The following KIF13A variants were observed in gnomAD, a reference collection of about 807,000 sequenced individuals.
KIF13A encodes the protein kinesin-like protein KIF13A.
KIF13A carries 79 observed loss-of-function variants against 212.2 expected under a neutral mutation model. The ratio of observed to expected loss-of-function variants is 0.37; its 90% CI spans 0.31 to 0.45. The LOEUF is 0.45. Ranked by LOEUF, KIF13A falls within the 20% of genes least tolerant of loss-of-function variation. The pLI is 1.00. For synonymous variants in KIF13A, 789 were observed against 808.6 expected, an observed-to-expected ratio of 0.98 and a Z score of 0.41; for missense variants, 1,901 against 2,209.0, an observed-to-expected ratio of 0.86 and a Z score of 2.79.
At chr6:17,847,931 C>A (rs1462336404) in intron 9 of KIF13A, among the ~76,000 whole-genome samples, 1 of 152,136 alleles carries the variant, frequency 6.6e-6, no homozygotes, top group Non-Finnish European at 1.5e-5. Flanking sequence ...TCTGCCTCAG[C>A]CTCCCGAGTA....
intron 2 of KIF13A, among the ~76,000 whole-genome samples, chr6:17,985,632 C>CGGGG (rs1554128614): frequency 2.6e-4 from 10 of 38,162 alleles, no homozygotes; most frequent in African/African-American, 8.7e-4. Context: ...ATGCAGTTTG[C>CGGGG]GGGGGGGTGG....
intron 18 of KIF13A, among the ~76,000 whole-genome samples, chr6:17,808,254 T>C (rs1282813465): frequency 6.6e-6 from 1 of 152,086 alleles, no homozygotes; most frequent in Non-Finnish European, 1.5e-5. Context: ...GGTGTGCTAG[T>C]GCGCGCCTGT....
chr6:17,861,974 T>C (rs947089798), intron 4 of KIF13A, among the ~76,000 whole-genome samples: 9 of 152,200 alleles, frequency 5.9e-5, no homozygotes, highest in African/African-American at 2.2e-4. Context: ...CCAAATTATA[T>C]AGAACTCACC....
chr6:17,804,486 C>G lies in KIF13A; in HGVS notation c.2329G>C (p.Gly777Arg), dbSNP rs1222620222. The G allele has an allele frequency of 6.3e-7, 1 of 1,598,938 alleles. No individual in the cohort carries two copies. Among genetic ancestry groups the G allele is most frequent in the African/African-American group, 1.3e-5 (1 of 74,712 alleles). ...PEAKRLYGKR[G>R]DPFYEAQENH... ...TCTTGGGCTTCATAGAAAGGGTCAC[C>G]TCGTTTTCCGTAGAGTCTCTTTGCC... Residue 777 changes from glycine (G) to arginine (R), a missense_variant, in exon 20 of 39, where the codon GGT becomes CGT. Gly to Arg is a moderately radical substitution (Grantham distance 125). This residue lies in a region of KIF13A where 534 missense variants were observed against 536.9 expected (regional missense o/e 0.99). Coordinates refer to ENST00000259711, the MANE Select transcript of KIF13A (RefSeq NM_022113.6).
At chr6:17,906,423 CTTCCCT>C (rs1181840327) in intron 2 of KIF13A, among the ~76,000 whole-genome samples, 4 of 146,234 alleles carry the variant, frequency 2.7e-5, no homozygotes, top group East Asian at 4.1e-4. Context: ...CCCCTTCCCC[CTTCCCT>C]TTCCCTTTTT....
In KIF13A at chr6:17,825,951, C is replaced by T. The variant is rs758950927; in HGVS notation, c.1620-17G>A. The T allele has an allele frequency of 6.2e-7, 1 of 1,612,868 alleles. No individual in the cohort carries two copies. Among genetic ancestry groups the T allele is most frequent in the Non-Finnish European group, 8.5e-7 (1 of 1,179,476 alleles). On this transcript the variant is annotated splice_polypyrimidine_tract_variant and intron_variant, in intron 15 of 38. Transcript: ENST00000259711. This position sits in a 1 kb window ranked among gnomAD's most constrained non-coding sequence, Gnocchi z 4.5. ...AAGTTTATTCTGTGGGGTTTTTCAC[C>T]ATTAGAGAAAATCAACTTGTTTTAC...
At chr6:17,866,099 GGT>G (rs1381073112) in intron 4 of KIF13A, among the ~76,000 whole-genome samples, 2 of 152,092 alleles carry the variant, frequency 1.3e-5, no homozygotes, top group African/African-American at 4.8e-5. Flanking sequence ...CATACAGGAG[GGT>G]GTTTCCCATA....
At chr6:17,907,176 A>C (rs1238653638) in intron 2 of KIF13A, among the ~76,000 whole-genome samples, 1 of 152,034 alleles carries the variant, frequency 6.6e-6, no homozygotes, top group Non-Finnish European at 1.5e-5. Context: ...ATACATAAAA[A>C]CTCTCATTAT....
At position 17,816,810 on chromosome 6, in the gene KIF13A, G is replaced by A. The variant is rs73722833; in HGVS notation, c.2000+210C>T. On this transcript the variant is annotated intron_variant, in intron 17 of 38. Coordinates refer to ENST00000259711, the MANE Select transcript of KIF13A (RefSeq NM_022113.6). This position sits in a 1 kb window ranked among gnomAD's most constrained non-coding sequence, Gnocchi z 4.3. ...TTTATTGAAGGGTAAATGGTTTGGG[G>A]GTAGGAGGGGTCTTTAACAGCTAAC... Among the ~76,000 whole-genome samples the A allele has an allele frequency of 1.7e-4, 26 of 152,254 alleles. No homozygotes were observed. The highest frequency in any genetic ancestry group is 6.0e-4 in the African/African-American group (25 of 41,550).
At position 17,897,605 on chromosome 6, in the gene KIF13A, C is replaced by T. The variant is rs1431266178; in HGVS notation, c.159+563G>A. Among the ~76,000 whole-genome samples, 2 of 152,146 alleles carry T rather than the reference C, an allele frequency of 1.3e-5. No individual in the cohort carries two copies. Among genetic ancestry groups the T allele is most frequent in the Non-Finnish European group, 2.9e-5 (2 of 68,030 alleles). ...GGTGGGGAAAAAACTAACTAGTGGCCATTGTGATGGGCTAGGAACTCCAAT... is the reference window on the plus strand; with the variant it reads ...GGTGGGGAAAAAACTAACTAGTGGCTATTGTGATGGGCTAGGAACTCCAAT... On this transcript the variant is annotated intron_variant, in intron 3 of 38. Coordinates refer to ENST00000259711, the MANE Select transcript of KIF13A (RefSeq NM_022113.6). This position sits in a 1 kb window ranked among gnomAD's most constrained non-coding sequence, Gnocchi z 4.8.
intron 12 of KIF13A, among the ~76,000 whole-genome samples, chr6:17,833,098 T>C (rs1014481187): frequency 1.3e-5 from 2 of 151,630 alleles, no homozygotes; most frequent in African/African-American, 4.9e-5. Flanking sequence ...AATGACATTT[T>C]CTGTAACCAT....
At chr6:17,922,162 C>T (rs1161989782) in intron 2 of KIF13A, among the ~76,000 whole-genome samples, 4 of 152,162 alleles carry the variant, frequency 2.6e-5, no homozygotes, top group Non-Finnish European at 4.4e-5. Flanking sequence ...ACTCCAGACC[C>T]AGGAGACTCA....
chr6:17,808,887 G>C lies in KIF13A; in HGVS notation c.2044C>G (p.Leu682Val). ...RQSLAKLREQLVKANTLVREA... is the reference protein window; with the variant it reads ...RQSLAKLREQVVKANTLVREA... ...CTCACCAAGGTATTAGCTTTAACCA[G>C]CTGCTCTCGCAGTTTTGCCAGGCTT... Residue 682 changes from leucine (L) to valine (V), a missense_variant, in exon 18 of 39, where the codon CTG becomes GTG. Leu to Val is a conservative substitution (Grantham distance 32). Around this residue, in one of 5 missense-constraint regions of KIF13A, gnomAD observed 534 missense variants for 536.9 expected, o/e 0.99. Transcript: ENST00000259711. 6.2e-7 allele frequency: 1 copy of C among 1,613,248 alleles called. No homozygotes were observed. The highest frequency in any genetic ancestry group is 8.5e-7 in the Non-Finnish European group (1 of 1,179,586).
Position 17,796,776 on chromosome 6 carries a change from T to C in KIF13A, c.2835A>G (p.Ser945=). Residue 945 remains serine, a synonymous_variant, in exon 23 of 39, where the codon TCA becomes TCG. Transcript: ENST00000259711. ...ATACTTCAATGGCCAGTGCTCCATC[T>C]GAAATGAACTCCAGAAATTCTTCTG... ...NVTEEFLEFI[S]DGALAIEVWG... The C allele has an allele frequency of 6.3e-7, 1 of 1,578,876 alleles. No individual in the cohort carries two copies. The highest frequency in any genetic ancestry group is 1.2e-5 in the South Asian group (1 of 86,750).
intron 2 of KIF13A, among the ~76,000 whole-genome samples, chr6:17,975,373 G>A (rs146254309): frequency 5.5e-4 from 83 of 152,166 alleles, no homozygotes; most frequent in African/African-American, 1.9e-3. Context: ...CCCTCACAAT[G>A]AATATTACAA....
intron 2 of KIF13A, among the ~76,000 whole-genome samples, chr6:17,940,137 C>A (rs945935710): frequency 2.7e-5 from 4 of 149,914 alleles, no homozygotes; most frequent in Admixed American, 2.7e-4. Flanking sequence ...TATGGAAGTT[C>A]CTTCCTTCCT....
chr6:17,764,699 G>T lies in KIF13A; in HGVS notation c.4829C>A (p.Ser1610Tyr). 2.5e-6 allele frequency: 4 copies of T among 1,613,678 alleles called. No individual in the cohort carries two copies. The highest frequency in any genetic ancestry group is 3.4e-6 in the Non-Finnish European group (4 of 1,179,736). ...FSHSASNATL[S>Y]DMVVPSSDSS... ...GTCACTAGAAGGGACCACCATGTCA[G>T]ACAGGGTGGCATTGGAGGCACTGTG... Residue 1610 changes from serine to tyrosine, a missense_variant, in exon 39 of 39, where the codon TCT becomes TAT. Transcript: ENST00000259711. The surrounding 1 kb of genome is among the most constrained non-coding windows in gnomAD (Gnocchi z 5.1).
At chr6:17,962,813 G>A (rs1186857193) in intron 2 of KIF13A, among the ~76,000 whole-genome samples, 1 of 152,002 alleles carries the variant, frequency 6.6e-6, no homozygotes, top group Non-Finnish European at 1.5e-5. Context: ...CCATTTAATT[G>A]GAATCTTCCT....
In KIF13A at chr6:17,987,119, C is replaced by T. The variant is rs780267714; in HGVS notation, c.81G>A (p.Val27=). The change falls in exon 2 of 39, where the codon GTG becomes GTA. Residue 27 remains valine (V), a synonymous_variant. Transcript: ENST00000259711. This position sits in a 1 kb window ranked among gnomAD's most constrained non-coding sequence, Gnocchi z 7.7. ...RRELELNTKC[V]VEMEGNQTVL... Reference sequence around the variant, plus strand: ...CCGTTTGATTCCCTTCCATCTCCACCACGCACTTGGTGTTCAGTTCCAGTT... The same window carrying T: ...CCGTTTGATTCCCTTCCATCTCCACTACGCACTTGGTGTTCAGTTCCAGTT... 10 of 1,613,512 alleles carry T rather than the reference C, an allele frequency of 6.2e-6. No individual in the cohort carries two copies. The highest frequency in any genetic ancestry group is 8.5e-6 in the Non-Finnish European group (10 of 1,179,528).
Sources: gnomAD v4.1 joint callset for allele counts (sites outside exome capture counted in the v4.1 genomes callset) on GRCh38, gnomAD v4.1.1 for gene constraint, gnomAD v4.1.1 regional missense constraint, Gnocchi (gnomAD v3.1) non-coding constraint, MANE v1.5 for transcripts, NCBI Gene and HGNC (gene_info 2026-07-23, HGNC 2026-07-21) for gene names.